The following TJP1 variants were observed in gnomAD, a reference collection of about 807,000 sequenced individuals.
TJP1 encodes the protein tight junction protein 1.
In TJP1, 43 loss-of-function variants were observed where a neutral mutation model predicts 194.2. The ratio of observed to expected loss-of-function variants is 0.22; its 90% confidence interval spans 0.17 to 0.29. TJP1 has a LOEUF of 0.29. Among genes scored for constraint, TJP1 ranks in the 10% least tolerant of loss-of-function variants. The pLI is 1.00. For synonymous variants in TJP1, 801 were observed against 779.0 expected, an observed-to-expected ratio of 1.03 and a Z score of -0.47; for missense variants, 1,971 against 2,185.7, an observed-to-expected ratio of 0.90 and a Z score of 1.96.
Position 29,733,117 on chromosome 15 carries a change from T to A in TJP1, c.1713A>T (p.Arg571=), listed in dbSNP as rs374091248. The change falls in exon 13 of 28, where the codon CGA becomes CGT. Residue 571 remains arginine, a synonymous_variant. Transcript: ENST00000614355. ...ACCTGTTCTTATTAGGGATGATGCCTCGTTCTACCTCCTTATGATTTTTAC... is the reference window on the plus strand; with the variant it reads ...ACCTGTTCTTATTAGGGATGATGCCACGTTCTACCTCCTTATGATTTTTAC... ...RIGKNHKEVE[R]GIIPNKNRAE... 146 of 1,613,956 alleles carry A rather than the reference T, an allele frequency of 9.0e-5. No individual in the cohort carries two copies. The highest frequency in any genetic ancestry group is 1.2e-4 in the Non-Finnish European group (139 of 1,180,006).
chr15:29,767,637 C>G (rs2046405574), intron 4 of TJP1, among the ~76,000 whole-genome samples: 1 of 152,086 alleles, frequency 6.6e-6, no homozygotes, highest in Non-Finnish European at 1.5e-5. Context: ...ATCCTTTCAT[C>G]TACATATTGT....
In TJP1 at chr15:29,761,219, G is replaced by A; in HGVS notation, c.930C>T (p.Arg310=). ...GCTGGTCAGGAGATCGTGACCGGCT[G>A]CGGCGGGGAGGCCTATCGTGTGATC... is the stretch of plus-strand genomic sequence containing the variant. The part of the protein sequence containing the change: ...SGRSHDRPPR[R]SRSRSPDQRS... The change falls in exon 8 of 28, where the codon CGC becomes CGT. Residue 310 remains arginine (R), a synonymous_variant. Transcript: ENST00000614355. 6.2e-7 allele frequency: 1 copy of A among 1,614,142 alleles called. No individual in the cohort carries two copies. The highest frequency in any genetic ancestry group is 8.5e-7 in the Non-Finnish European group (1 of 1,180,018).
chr15:29,737,284 C>T lies in TJP1; in HGVS notation c.1387G>A (p.Glu463Lys), dbSNP rs1422524814. 3 of 1,614,136 alleles carry T rather than the reference C, an allele frequency of 1.9e-6. No individual in the cohort carries two copies. In the Middle Eastern group the frequency reaches 5.0e-4, roughly 266 times the overall value. ...CATACCCTGAGAATTTGATCACCTT[C>T]CTCTAAGCCTTCCTTGGCTGCAGGG... Reference protein sequence around the residue: ...DSPAAKEGLEEGDQILRVNNV... With the variant: ...DSPAAKEGLEKGDQILRVNNV... Residue 463 changes from glutamate (E) to lysine (K), a missense_variant, in exon 11 of 28, where the codon GAA (glutamate) becomes AAA (lysine). Physicochemically the swap from Glu to Lys is moderately conservative, Grantham distance 56. Coordinates refer to ENST00000614355, the MANE Select transcript of TJP1 (RefSeq NM_001330239.4).
intron 2 of TJP1, among the ~76,000 whole-genome samples, chr15:29,942,941 AG>A (rs1226310103): frequency 6.6e-6 from 1 of 152,212 alleles, no homozygotes; most frequent in African/African-American, 2.4e-5. Flanking sequence ...AACAATCTTT[AG>A]CACCCATTAT....
At chr15:29,792,178 A>C (rs1236863220) in intron 2 of TJP1, among the ~76,000 whole-genome samples, 2 of 152,216 alleles carry the variant, frequency 1.3e-5, no homozygotes, top group Admixed American at 1.3e-4. Context: ...GTCACACTCA[A>C]GAAACCTTAG....
intron 10 of TJP1, among the ~76,000 whole-genome samples, chr15:29,740,013 A>G (rs2044293033): frequency 6.6e-6 from 1 of 151,112 alleles, no homozygotes; most frequent in African/African-American, 2.4e-5. Context: ...TTTGAGACGG[A>G]GTCTCGCTCT....
intron 3 of TJP1, 151 bp downstream of exon 3, chr15:29,773,082 T>A: frequency 1.1e-6 from 1 of 903,538 alleles, no homozygotes; most frequent in South Asian, 2.5e-5. Context: ...TCCCTCTTAA[T>A]ATATGTTAAT....
At position 29,718,323 on chromosome 15, in the gene TJP1, G is replaced by A; in HGVS notation, c.3819C>T (p.Asn1273=). Residue 1273 remains asparagine, a synonymous_variant, in exon 21 of 28, where the codon AAC becomes AAT. Transcript: ENST00000614355. ...SVLTRVKMFE[N]KRSASLETKK... ...TGGTCTCTAAGGATGCAGATCTTTT[G>A]TTTTCAAACATCTTAACTCTGGTGA... 6.2e-7 allele frequency: 1 copy of A among 1,614,058 alleles called. No homozygotes were observed. The highest frequency in any genetic ancestry group is 8.5e-7 in the Non-Finnish European group (1 of 1,180,014).
At chr15:29,956,451 G>C in intron 1 of TJP1, 1 of 1,179,690 alleles carries the variant, frequency 8.5e-7, no homozygotes, top group Non-Finnish European at 1.1e-6. Flanking sequence ...CTCAAAGGCA[G>C]CTTTGGAAAT....
At chr15:29,831,256 G>A (rs2050829538) in intron 2 of TJP1, among the ~76,000 whole-genome samples, 1 of 152,206 alleles carries the variant, frequency 6.6e-6, no homozygotes, top group African/African-American at 2.4e-5. Context: ...AGGAATTATA[G>A]AAAATCATCA....
At chr15:29,833,930 T>G (rs1159229085) in intron 2 of TJP1, among the ~76,000 whole-genome samples, 6 of 103,696 alleles carry the variant, frequency 5.8e-5, no homozygotes, top group Admixed American at 1.2e-4. Context: ...GTCCCCAGGC[T>G]GGAGTGCAGT....
chr15:29,748,030 A>G (rs16955734), intron 8 of TJP1, among the ~76,000 whole-genome samples: 1,799 of 152,338 alleles, frequency 0.012, 40 homozygotes, highest in African/African-American at 0.042. Flanking sequence ...CATTTCCATT[A>G]TCTACCAAAA....
At chr15:29,741,565 G>A in intron 9 of TJP1, 129 bp from the exon 10 acceptor site, 2 of 623,884 alleles carry the variant, frequency 3.2e-6, no homozygotes, top group East Asian at 5.9e-5. Context: ...ATGTATTAGA[G>A]TACATTTTAT....
At chr15:29,883,713 G>A (rs1024631833) in intron 2 of TJP1, among the ~76,000 whole-genome samples, 1 of 151,988 alleles carries the variant, frequency 6.6e-6, no homozygotes, top group Non-Finnish European at 1.5e-5. Context: ...TAATTGTGAG[G>A]TTATGGCTTT....
At chr15:29,921,220 C>T (rs1311856014) in intron 2 of TJP1, among the ~76,000 whole-genome samples, 1 of 152,210 alleles carries the variant, frequency 6.6e-6, no homozygotes, top group Non-Finnish European at 1.5e-5. Flanking sequence ...TGAATGCCGG[C>T]ACTCTCCCGT....
In TJP1 at chr15:29,900,211, C is replaced by T. The variant is rs147952507; in HGVS notation, c.306+56021G>A. On this transcript the variant is annotated intron_variant, in intron 2 of 28. Transcript: ENST00000356107. ...CTCTGGGGCAGGAGTGTGCTGGGCA[C>T]GTGAACACAGCCAGGGTGGCTGGAA... is the stretch of plus-strand genomic sequence containing the variant. Among the ~76,000 whole-genome samples the T allele has an allele frequency of 4.1e-4, 62 of 151,938 alleles. No individual in the cohort carries two copies. In the East Asian group the frequency reaches 0.01, roughly 25 times the overall value.
intron 1 of TJP1, among the ~76,000 whole-genome samples, chr15:29,821,172 G>A (rs1029066543): frequency 1.3e-5 from 2 of 152,144 alleles, no homozygotes; most frequent in Non-Finnish European, 2.9e-5. Context: ...CTGTTTTTCA[G>A]GAACTTTGGC....
At chr15:29,722,300 C>T (rs1381339596) in intron 18 of TJP1, among the ~76,000 whole-genome samples, 1 of 152,190 alleles carries the variant, frequency 6.6e-6, no homozygotes, top group Non-Finnish European at 1.5e-5. Flanking sequence ...GATCCAGGCC[C>T]GGCCCTGCTG....
chr15:29,872,951 C>A (rs997074702), intron 2 of TJP1, among the ~76,000 whole-genome samples: 1 of 152,230 alleles, frequency 6.6e-6, no homozygotes, highest in African/African-American at 2.4e-5. Flanking sequence ...CAGGTCCCTG[C>A]CTCCAAGAGC....
Sources: gnomAD v4.1 joint callset for allele counts (sites outside exome capture counted in the v4.1 genomes callset) on GRCh38, gnomAD v4.1.1 for gene constraint, MANE v1.5 for transcripts, NCBI Gene and HGNC (gene_info 2026-07-23, HGNC 2026-07-21) for gene names.